The following CSMD1 variants were observed in gnomAD, a reference collection of about 807,000 sequenced individuals.
CSMD1 encodes CUB and Sushi multiple domains 1.
CSMD1 carries 213 observed loss-of-function variants against 417.5 expected under a neutral mutation model. That is an observed-to-expected ratio of 0.51 (90% CI 0.46 to 0.57). The LOEUF is 0.57. CSMD1 is among the 20% of genes least tolerant of loss of function. The pLI, the probability that CSMD1 is intolerant of heterozygous loss-of-function variation, is 0.00. For synonymous variants in CSMD1, 2,862 were observed against 1,736.8 expected, an observed-to-expected ratio of 1.65 and a Z score of -16.11; for missense variants, 6,923 against 4,529.7, an observed-to-expected ratio of 1.53 and a Z score of -15.17.
At chr8:3,746,127 TGCATGAGACAGAGAACATGAA>T (rs1403269523) in intron 6 of CSMD1, among the ~76,000 whole-genome samples, 1 of 152,222 alleles carries the variant, frequency 6.6e-6, no homozygotes, top group Non-Finnish European at 1.5e-5. Context: ...CGATATTGCC[TGCATGAGACAGAGAACATGAA>T]GAATAAGAGC....
At chr8:3,337,904 G>A (rs1399856729) in intron 23 of CSMD1, among the ~76,000 whole-genome samples, 1 of 152,066 alleles carries the variant, frequency 6.6e-6, no homozygotes, top group African/African-American at 2.4e-5. Context: ...ATATACCCTG[G>A]CCAGGAATCA....
intron 37 of CSMD1, among the ~76,000 whole-genome samples, chr8:3,163,733 G>T (rs182570528): frequency 2.7e-4 from 41 of 152,286 alleles, no homozygotes; most frequent in African/African-American, 7.9e-4. Flanking sequence ...AAGCAGCTGT[G>T]GGTCGAAGCT....
chr8:4,072,933 C>T (rs1305493513), intron 3 of CSMD1, among the ~76,000 whole-genome samples: 3 of 152,158 alleles, frequency 2.0e-5, no homozygotes, highest in Admixed American at 6.5e-5. Context: ...CCACTTAGAA[C>T]ATTCTTTCAA....
At chr8:3,724,715 T>C (rs1802387184) in intron 6 of CSMD1, among the ~76,000 whole-genome samples, 1 of 152,220 alleles carries the variant, frequency 6.6e-6, no homozygotes, top group South Asian at 2.1e-4. Context: ...CATTTTTATT[T>C]ACACTGCCTT....
chr8:4,109,813 T>G (rs1227851648), intron 3 of CSMD1, among the ~76,000 whole-genome samples: 3 of 152,150 alleles, frequency 2.0e-5, no homozygotes, highest in Non-Finnish European at 2.9e-5. Context: ...AAAAGGGTGT[T>G]ACCATAAATA....
chr8:3,128,803 G>T (rs544200463), intron 41 of CSMD1: 118 of 379,732 alleles, frequency 3.1e-4, no homozygotes, highest in African/African-American at 2.3e-3. Context: ...TCGAGTTTTT[G>T]TTTTTTTTTT....
At chr8:4,443,929 A>G (rs1308643520) in intron 2 of CSMD1, among the ~76,000 whole-genome samples, 2 of 152,190 alleles carry the variant, frequency 1.3e-5, no homozygotes, top group African/African-American at 4.8e-5. Context: ...AAATGCGTAC[A>G]TATACATGCA....
intron 49 of CSMD1, among the ~76,000 whole-genome samples, chr8:3,056,159 T>C (rs909350118): frequency 2.0e-5 from 3 of 152,104 alleles, no homozygotes; most frequent in East Asian, 3.9e-4. Context: ...GAGCAAAGAG[T>C]AAGTTGGTAG....
At chr8:4,332,124 A>C (rs960794628) in intron 3 of CSMD1, among the ~76,000 whole-genome samples, 1 of 152,250 alleles carries the variant, frequency 6.6e-6, no homozygotes, top group African/African-American at 2.4e-5. Context: ...ATTCTACCCC[A>C]AAGTTGTGAT....
At chr8:4,044,607 C>A (rs1489121371) in intron 3 of CSMD1, among the ~76,000 whole-genome samples, 2 of 152,162 alleles carry the variant, frequency 1.3e-5, no homozygotes, top group Non-Finnish European at 2.9e-5. Flanking sequence ...GTCTCATTTT[C>A]TTCTCTCGTG....
chr8:4,732,291 C>G (rs571343222), intron 1 of CSMD1, among the ~76,000 whole-genome samples: 2 of 151,344 alleles, frequency 1.3e-5, no homozygotes, highest in South Asian at 4.2e-4. Context: ...ATTCTAGAAA[C>G]CTTAATGTTA....
At chr8:4,052,650 G>C (rs181969620) in intron 3 of CSMD1, among the ~76,000 whole-genome samples, 37 of 152,120 alleles carry the variant, frequency 2.4e-4, no homozygotes, top group African/African-American at 8.9e-4. Context: ...CTTTGGAAAA[G>C]AATTCTGATA....
chr8:3,486,683 C>T (rs376405719), intron 11 of CSMD1, among the ~76,000 whole-genome samples: 3 of 152,200 alleles, frequency 2.0e-5, no homozygotes, highest in East Asian at 1.9e-4. Context: ...CCTCGGGCTC[C>T]GATTCCTGTG....
intron 3 of CSMD1, among the ~76,000 whole-genome samples, chr8:4,128,494 C>A (rs1035642): frequency 0.99 from 151,197 of 152,292 alleles, 75,061 homozygotes; most frequent in East Asian, 1. Flanking sequence ...TTTAAAACAA[C>A]CAAACAAACA....
At chr8:4,327,221 T>C (rs540914903) in intron 3 of CSMD1, among the ~76,000 whole-genome samples, 2 of 152,328 alleles carry the variant, frequency 1.3e-5, no homozygotes, top group South Asian at 2.1e-4. Context: ...AAAAATGATA[T>C]AGCTTAGTTT....
chr8:4,357,217 G>T (rs1801480173), intron 3 of CSMD1, among the ~76,000 whole-genome samples: 1 of 152,130 alleles, frequency 6.6e-6, no homozygotes, highest in East Asian at 1.9e-4. Flanking sequence ...AGGGTTTTCA[G>T]TTGAAAGAGC....
intron 3 of CSMD1, among the ~76,000 whole-genome samples, chr8:4,380,824 G>A (rs985642683): frequency 6.6e-6 from 1 of 152,122 alleles, no homozygotes; most frequent in Non-Finnish European, 1.5e-5. Flanking sequence ...CATTAATTTA[G>A]AATGTTTCTG....
At chr8:4,196,278 T>A (rs377203535) in intron 3 of CSMD1, among the ~76,000 whole-genome samples, 1 of 152,152 alleles carries the variant, frequency 6.6e-6, no homozygotes, top group Non-Finnish European at 1.5e-5. Context: ...TTTGTGGTCA[T>A]TGAGTTTACA....
intron 5 of CSMD1, among the ~76,000 whole-genome samples, chr8:3,852,356 T>C (rs1299534242): frequency 6.6e-6 from 1 of 151,866 alleles, no homozygotes; most frequent in Non-Finnish European, 1.5e-5. Context: ...CAGTGCAGGA[T>C]AAGGGACACC....
Sources: gnomAD v4.1 joint callset for allele counts (sites outside exome capture counted in the v4.1 genomes callset) on GRCh38, gnomAD v4.1.1 for gene constraint, MANE v1.5 for transcripts, NCBI Gene and HGNC (gene_info 2026-07-23, HGNC 2026-07-21) for gene names.